The following TG variants were observed in gnomAD, a reference collection of about 807,000 sequenced individuals.
TG encodes thyroid hormones.
TG carries 270 observed loss-of-function variants against 324.7 expected under a neutral mutation model. The ratio of observed to expected loss-of-function variants is 0.83; its 90% CI spans 0.75 to 0.92. TG has a LOEUF of 0.92. Among genes scored for constraint, TG ranks in the 40% least tolerant of loss-of-function variants. The probability of loss-of-function intolerance (pLI) is 0.00; values close to 1 mark genes in which losing one functional copy is unlikely to be tolerated. For missense variants in TG, 3,591 were observed against 3,456.4 expected (o/e 1.04, Z -0.98); for synonymous variants, 1,401 against 1,327.0 (o/e 1.06, Z -1.21).
At chr8:132,996,967 G>C (rs1044042353) in intron 35 of TG, among the ~76,000 whole-genome samples, 1 of 152,188 alleles carries the variant, frequency 6.6e-6, no homozygotes, top group Non-Finnish European at 1.5e-5. Context: ...AGGCAAGAAG[G>C]CATCAGATAG....
intron 41 of TG, chr8:133,063,637 C>T (rs1023319891): frequency 6.6e-6 from 1 of 152,196 alleles, no homozygotes; most frequent in Non-Finnish European, 1.5e-5. Flanking sequence ...TTCTTCTACG[C>T]TAACAGTCTT....
intron 25 of TG, among the ~76,000 whole-genome samples, chr8:132,940,091 G>T (rs1264873934): frequency 1.3e-5 from 2 of 152,138 alleles, no homozygotes; most frequent in Non-Finnish European, 2.9e-5. Flanking sequence ...GACTTCCTTG[G>T]CAGGGTGACC....
At chr8:133,044,920 C>A in intron 41 of TG, 3 of 1,558,710 alleles carry the variant, frequency 1.9e-6, no homozygotes, top group Non-Finnish European at 2.7e-6. Flanking sequence ...ACGGATGGCG[C>A]CACAGAGCAA....
intron 6 of TG, among the ~76,000 whole-genome samples, chr8:132,882,260 A>G (rs1207514062): frequency 6.6e-6 from 1 of 152,242 alleles, no homozygotes; most frequent in African/African-American, 2.4e-5. Context: ...TTAATCTCTT[A>G]TTCTATAAGC....
intron 16 of TG, among the ~76,000 whole-genome samples, chr8:132,903,482 G>T (rs951807429): frequency 2.0e-5 from 3 of 152,336 alleles, no homozygotes; most frequent in Middle Eastern, 6.8e-3. Context: ...AAGGGAGTTT[G>T]GGAAAAGCTG....
At chr8:133,007,372 AAT>A (rs1198506484) in intron 35 of TG, among the ~76,000 whole-genome samples, 4 of 91,220 alleles carry the variant, frequency 4.4e-5, no homozygotes, top group African/African-American at 1.7e-4. Flanking sequence ...TGTGTAGATC[AAT>A]TAGTTTGGGG....
chr8:132,952,558 T>C (rs966631126), intron 27 of TG, among the ~76,000 whole-genome samples: 3 of 152,136 alleles, frequency 2.0e-5, no homozygotes, highest in Admixed American at 6.5e-5. Flanking sequence ...CGTTGATCAA[T>C]TCACGGGTAC....
intron 26 of TG, among the ~76,000 whole-genome samples, chr8:132,946,073 C>CT (rs1825248650): frequency 7.6e-6 from 1 of 131,852 alleles, no homozygotes; most frequent in African/African-American, 2.7e-5. Context: ...CACACACACA[C>CT]CCTATATTTG....
intron 41 of TG, chr8:133,050,245 A>G: frequency 1.9e-6 from 1 of 516,238 alleles, no homozygotes; most frequent in South Asian, 2.4e-5. Flanking sequence ...TTCAGGGATT[A>G]GCAGCTAATG....
chr8:132,903,998 A>G (rs917937094), intron 16 of TG, among the ~76,000 whole-genome samples: 2 of 152,344 alleles, frequency 1.3e-5, no homozygotes, highest in South Asian at 4.1e-4. Flanking sequence ...TTGCTCAGAT[A>G]CCAAGTTGCC....
intron 16 of TG, among the ~76,000 whole-genome samples, chr8:132,906,087 A>C (rs528938487): frequency 6.6e-6 from 1 of 152,326 alleles, no homozygotes; most frequent in East Asian, 1.9e-4. Context: ...GGGAGCAGAA[A>C]GGCAGGAGGA....
At chr8:133,033,376 G>A (rs144107267) in intron 41 of TG, among the ~76,000 whole-genome samples, 170 of 152,292 alleles carry the variant, frequency 1.1e-3, no homozygotes, top group African/African-American at 3.9e-3. Context: ...AGGATGACTT[G>A]TTGCAAACAT....
chr8:133,094,353 A>G (rs773892174), intron 41 of TG, among the ~76,000 whole-genome samples: 11 of 146,088 alleles, frequency 7.5e-5, no homozygotes, highest in East Asian at 2.0e-4. Flanking sequence ...CCATTCTCCT[A>G]CCTCAGCCTC....
At chr8:132,965,073 C>T in intron 29 of TG, 1 of 637,116 alleles carries the variant, frequency 1.6e-6, no homozygotes, top group South Asian at 1.8e-5. Flanking sequence ...CCCTGAGCTC[C>T]TACTTTGTGC....
At chr8:132,999,977 G>A (rs771161619) in intron 35 of TG, among the ~76,000 whole-genome samples, 4 of 152,122 alleles carry the variant, frequency 2.6e-5, no homozygotes, top group Admixed American at 6.5e-5. Context: ...GGAAGATGAG[G>A]GGGTAGCAAC....
At chr8:132,940,869 G>A (rs915401484) in intron 25 of TG, among the ~76,000 whole-genome samples, 2 of 152,236 alleles carry the variant, frequency 1.3e-5, no homozygotes, top group African/African-American at 2.4e-5. Context: ...TGTAGATAGT[G>A]CAAGCAATGT....
chr8:133,055,710 C>G (rs1841320360), intron 41 of TG, among the ~76,000 whole-genome samples: 1 of 152,164 alleles, frequency 6.6e-6, no homozygotes. Context: ...AAGAAATAGT[C>G]AAAATGAATA....
Position 133,048,511 on chromosome 8 carries a change from G to A in TG, c.7239+18488G>A, listed in dbSNP as rs577433498. Reference sequence around the variant, plus strand: ...GCTGGGATTACAGGCGTGAGCTACCGTGCTCAGCCCTGCTCTTCCTATTTG... The same window carrying A: ...GCTGGGATTACAGGCGTGAGCTACCATGCTCAGCCCTGCTCTTCCTATTTG... On this transcript the variant is annotated intron_variant, in intron 41 of 47. Transcript: ENST00000220616. The A allele has an allele frequency of 4.5e-5, 7 of 155,488 alleles. No homozygotes were observed. The South Asian group carries it at 1.1e-3, about 25-fold the overall frequency. 9.6% of individuals were successfully genotyped at this position (155,488 alleles called of 1,614,324 possible).
In TG at chr8:132,929,069, T is replaced by C; in HGVS notation, c.4700-7T>C. ...AGTCAGATTTACTAAATCTGCTTTA[T>C]TTTTAGTGATGCAGAAGTTTGAGAA... On this transcript the variant is annotated splice_region_variant and splice_polypyrimidine_tract_variant and intron_variant, in intron 22 of 47. Coordinates refer to ENST00000220616, the MANE Select transcript of TG (RefSeq NM_003235.5). 6.2e-7 allele frequency: 1 copy of C among 1,611,940 alleles called. No individual in the cohort carries two copies. Among genetic ancestry groups the C allele is most frequent in the Non-Finnish European group, 8.5e-7 (1 of 1,178,412 alleles).
Sources: gnomAD v4.1 joint callset for allele counts (sites outside exome capture counted in the v4.1 genomes callset) on GRCh38, gnomAD v4.1.1 for gene constraint, MANE v1.5 for transcripts, NCBI Gene and HGNC (gene_info 2026-07-23, HGNC 2026-07-21) for gene names.